Variants in IFT80 observed in about 807,000 individuals in gnomAD.
IFT80 encodes intraflagellar transport protein 80 homolog.
Under a neutral mutation model 107.9 loss-of-function variants are expected in IFT80, and 79 were observed. The observed-to-expected ratio is 0.73, with a 90% confidence interval of 0.61 to 0.88. IFT80 has a LOEUF of 0.88. Ranked by LOEUF, IFT80 falls within the 40% of genes least tolerant of loss-of-function variation. The probability of loss-of-function intolerance (pLI) is 0.00; values close to 1 mark genes in which losing one functional copy is unlikely to be tolerated. For missense variants in IFT80, 797 were observed against 914.2 expected, an observed-to-expected ratio of 0.87 and a Z score of 1.65; for synonymous variants, 299 against 300.9, an observed-to-expected ratio of 0.99 and a Z score of 0.07.
intron 12 of IFT80, among the ~76,000 whole-genome samples, chr3:160,297,164 C>T (rs1200157757): frequency 6.6e-6 from 1 of 152,072 alleles, no homozygotes; most frequent in Non-Finnish European, 1.5e-5. Flanking sequence ...GCTGCCTCTG[C>T]CCCTTTCTCT....
At chr3:160,319,395 C>A (rs943773798) in intron 9 of IFT80, among the ~76,000 whole-genome samples, 1 of 151,862 alleles carries the variant, frequency 6.6e-6, no homozygotes, top group African/African-American at 2.4e-5. Flanking sequence ...AACAATTAAC[C>A]CTGTCAGTAA....
intron 10 of IFT80, among the ~76,000 whole-genome samples, chr3:160,305,553 C>T (rs1716776120): frequency 6.6e-6 from 1 of 151,968 alleles, no homozygotes; most frequent in South Asian, 2.1e-4. Context: ...GGTTTAATAT[C>T]CCCTTAGAAA....
chr3:160,315,047 A>AGAAGGAAG (rs1268436860), intron 9 of IFT80, among the ~76,000 whole-genome samples: 1 of 51,774 alleles, frequency 1.9e-5, no homozygotes, highest in African/African-American at 7.9e-5. Flanking sequence ...AGGGGAAAAA[A>AGAAGGAAG]GAAGGAAGGG....
At chr3:160,387,556 G>A (rs1292362337) in intron 1 of IFT80, among the ~76,000 whole-genome samples, 1 of 152,134 alleles carries the variant, frequency 6.6e-6, no homozygotes, top group African/African-American at 2.4e-5. Flanking sequence ...GTTTCAATAG[G>A]TGGAATGGAG....
chr3:160,287,862 G>A (rs1715213194), intron 12 of IFT80, among the ~76,000 whole-genome samples: 1 of 152,156 alleles, frequency 6.6e-6, no homozygotes, highest in Non-Finnish European at 1.5e-5. Context: ...GAATGTGTTG[G>A]GAAAGATATT....
At chr3:160,377,083 ATCAT>A (rs900785428) in intron 4 of IFT80, among the ~76,000 whole-genome samples, 1 of 152,230 alleles carries the variant, frequency 6.6e-6, no homozygotes, top group Non-Finnish European at 1.5e-5. Context: ...AATAGGTTGA[ATCAT>A]TAGAGTAGGG....
At position 160,312,811 on chromosome 3, in the gene IFT80, T is replaced by C. The variant is rs1221558898; in HGVS notation, c.958-5030A>G. ...ATATATATATAATAAATGTATATTA[T>C]ATATAAATATATAATATATATATAA... On this transcript the variant is annotated intron_variant, in intron 9 of 19. Coordinates refer to ENST00000326448, the MANE Select transcript of IFT80 (RefSeq NM_020800.3). Among the ~76,000 whole-genome samples the C allele has an allele frequency of 2.6e-3, 106 of 40,946 alleles. 4 individuals carry two copies. Among genetic ancestry groups the C allele is most frequent in the Non-Finnish European group, 3.9e-3 (90 of 22,994 alleles). 26.9% of individuals were successfully genotyped at this position (40,946 alleles called of 152,430 possible).
intron 6 of IFT80, among the ~76,000 whole-genome samples, chr3:160,365,794 T>C (rs1289240371): frequency 2.6e-5 from 4 of 152,098 alleles, no homozygotes; most frequent in African/African-American, 9.7e-5. Context: ...AGTAGCTAAC[T>C]CCAAAGCCTG....
chr3:160,268,751 G>A, intron 18 of IFT80: 1 of 521,362 alleles, frequency 1.9e-6, no homozygotes, highest in Non-Finnish European at 3.4e-6. Flanking sequence ...AGCTCTTCTT[G>A]TAGAAATAAA....
intron 6 of IFT80, among the ~76,000 whole-genome samples, chr3:160,360,319 A>G (rs1246359899): frequency 2.0e-5 from 3 of 152,248 alleles, no homozygotes; most frequent in Non-Finnish European, 4.4e-5. Context: ...AAGAGTAAAA[A>G]GAGACGAACA....
chr3:160,325,185 C>T (rs1248060511), intron 8 of IFT80, among the ~76,000 whole-genome samples: 1 of 151,704 alleles, frequency 6.6e-6, no homozygotes, highest in African/African-American at 2.4e-5. Context: ...GAATCAATAT[C>T]GTGAAAATGG....
At position 160,325,551 on chromosome 3, in the gene IFT80, C is replaced by A. The variant is rs566743357; in HGVS notation, c.778-5612G>T. ...CAAAAATAAAATCTGCAACATGCAA[C>A]TTATCCCTGAAAACACATCTCAGGG... On this transcript the variant is annotated intron_variant, in intron 8 of 19. Transcript: ENST00000326448. Among the ~76,000 whole-genome samples, 18 of 152,166 alleles carry A rather than the reference C, an allele frequency of 1.2e-4. No homozygotes were observed. The South Asian group carries it at 3.5e-3, about 30-fold the overall frequency.
chr3:160,261,360 A>AC (rs1215720876), intron 19 of IFT80, among the ~76,000 whole-genome samples: 1 of 151,748 alleles, frequency 6.6e-6, no homozygotes, highest in Non-Finnish European at 1.5e-5. Flanking sequence ...ACAAGGATTC[A>AC]CCAGTGAACA....
chr3:160,381,953 G>A (rs1431312562), intron 2 of IFT80, among the ~76,000 whole-genome samples: 1 of 152,092 alleles, frequency 6.6e-6, no homozygotes, highest in African/African-American at 2.4e-5. Flanking sequence ...GCCAAAAGGT[G>A]GGGGAGAAAA....
At chr3:160,316,130 T>C (rs1306119335) in intron 9 of IFT80, among the ~76,000 whole-genome samples, 1 of 152,128 alleles carries the variant, frequency 6.6e-6, no homozygotes, top group East Asian at 1.9e-4. Context: ...GACTTATGTC[T>C]TGCTTGCACT....
chr3:160,346,864 A>C (rs1209192730), intron 8 of IFT80, among the ~76,000 whole-genome samples: 1 of 152,092 alleles, frequency 6.6e-6, no homozygotes, highest in African/African-American at 2.4e-5. Context: ...TAAATGAAAG[A>C]TATTCCAGTG....
chr3:160,283,602 T>C (rs1043391827), intron 13 of IFT80, among the ~76,000 whole-genome samples: 2 of 152,188 alleles, frequency 1.3e-5, no homozygotes, highest in African/African-American at 4.8e-5. Flanking sequence ...GCATGAAATA[T>C]AACTCTAGGT....
At chr3:160,300,123 C>G (rs1464017557) in intron 12 of IFT80, among the ~76,000 whole-genome samples, 1 of 152,150 alleles carries the variant, frequency 6.6e-6, no homozygotes, top group Non-Finnish European at 1.5e-5. Flanking sequence ...TCCACCTTCA[C>G]AACGCTTTAT....
chr3:160,266,283 T>A (rs61544360), intron 19 of IFT80, among the ~76,000 whole-genome samples: 5,012 of 152,170 alleles, frequency 0.033, 123 homozygotes, highest in African/African-American at 0.065. Flanking sequence ...AAGATGTTAA[T>A]TTTTGCTATC....
Sources: allele counts gnomAD v4.1 joint callset (sites outside exome capture counted in the v4.1 genomes callset), GRCh38; gene constraint gnomAD v4.1.1; transcripts MANE v1.5; gene names NCBI Gene and HGNC (gene_info 2026-07-23, HGNC 2026-07-21).